The following GNAQ variants were observed in gnomAD, a reference collection of about 807,000 sequenced individuals.
The protein encoded by GNAQ is G protein subunit alpha q, also known as guanine nucleotide-binding protein G(q) subunit alpha.
A neutral mutation model predicts 43.9 loss-of-function variants in GNAQ; 8 were observed. That is an observed-to-expected ratio of 0.18 (90% CI 0.11 to 0.33). The LOEUF (loss-of-function observed/expected upper bound fraction) is 0.33. Ranked by LOEUF, GNAQ falls within the 10% of genes least tolerant of loss-of-function variation. GNAQ has a pLI of 1.00. For missense variants in GNAQ, 158 were observed against 450.8 expected (o/e 0.35, Z 5.88); for synonymous variants, 155 against 170.7 (o/e 0.91, Z 0.71).
chr9:77,878,306 A>G lies in GNAQ; in HGVS notation c.321+43855T>C, dbSNP rs76070344. ...AAAATTTTAAAACTCAGTCTAGGGA[A>G]AATGGCCCAGGGTAATGGCAGAAAG... On this transcript the variant is annotated intron_variant, in intron 2 of 6. Transcript: ENST00000286548. Among the ~76,000 whole-genome samples the G allele has an allele frequency of 3.3e-3, 504 of 151,956 alleles. 20 individuals are homozygous for G. The East Asian group carries it at 0.073, about 22-fold the overall frequency.
intron 2 of GNAQ, among the ~76,000 whole-genome samples, chr9:77,850,582 C>A (rs1450491634): frequency 6.6e-6 from 1 of 152,166 alleles, no homozygotes; most frequent in African/African-American, 2.4e-5. Flanking sequence ...CAGCTCCACA[C>A]GATTTACAGG....
intron 1 of GNAQ, among the ~76,000 whole-genome samples, chr9:77,941,903 TAC>T (rs1320268340): frequency 1.1e-5 from 1 of 90,406 alleles, no homozygotes; most frequent in African/African-American, 4.5e-5. Flanking sequence ...ACATACAACA[TAC>T]ATACACACAC....
chr9:77,741,046 G>A (rs1825646213), intron 5 of GNAQ, among the ~76,000 whole-genome samples: 1 of 152,156 alleles, frequency 6.6e-6, no homozygotes, highest in African/African-American at 2.4e-5. Context: ...ATTTTCATGT[G>A]TCATAAAAAT....
intron 1 of GNAQ, among the ~76,000 whole-genome samples, chr9:77,960,473 G>T (rs1197983210): frequency 6.6e-6 from 1 of 152,154 alleles, no homozygotes; most frequent in Non-Finnish European, 1.5e-5. Flanking sequence ...TGGCCCTGGA[G>T]TGATATTACA....
intron 2 of GNAQ, among the ~76,000 whole-genome samples, chr9:77,816,178 G>C (rs932745460): frequency 6.6e-6 from 1 of 152,066 alleles, no homozygotes; most frequent in African/African-American, 2.4e-5. Context: ...ATATAATATA[G>C]CCAGCTTATG....
chr9:77,928,646 T>A (rs972902013), intron 1 of GNAQ, among the ~76,000 whole-genome samples: 3 of 152,160 alleles, frequency 2.0e-5, no homozygotes, highest in Non-Finnish European at 4.4e-5. Flanking sequence ...GTAGTAAACA[T>A]TTGTGTATTA....
At chr9:77,880,527 T>C (rs886405908) in intron 2 of GNAQ, among the ~76,000 whole-genome samples, 5 of 151,554 alleles carry the variant, frequency 3.3e-5, no homozygotes, top group African/African-American at 1.2e-4. Flanking sequence ...ACTACAGATA[T>C]GTGCCCCACA....
chr9:77,944,212 T>A (rs1829355018), intron 1 of GNAQ, among the ~76,000 whole-genome samples: 1 of 152,044 alleles, frequency 6.6e-6, no homozygotes, highest in Non-Finnish European at 1.5e-5. Context: ...TTTTCAGTAT[T>A]TCAAAAATCT....
chr9:77,747,443 T>C (rs949187489), intron 5 of GNAQ, among the ~76,000 whole-genome samples: 1 of 152,152 alleles, frequency 6.6e-6, no homozygotes, highest in African/African-American at 2.4e-5. Flanking sequence ...CAGTAAAAAG[T>C]AAGACTGGGA....
chr9:77,817,303 C>A (rs1045396953), intron 2 of GNAQ, among the ~76,000 whole-genome samples: 2 of 152,126 alleles, frequency 1.3e-5, no homozygotes, highest in Non-Finnish European at 2.9e-5. Context: ...GGTTTAAGTT[C>A]CAAGTTCCAA....
At position 77,871,949 on chromosome 9, in the gene GNAQ, C is replaced by T. The variant is rs113793813; in HGVS notation, c.321+50212G>A. On this transcript the variant is annotated intron_variant, in intron 2 of 6. Transcript: ENST00000286548. ...GACTGAAACTTTGGACAAAACATTG[C>T]TATGCCCTAAATTATTATCTCATGT... Among the ~76,000 whole-genome samples, 851 of 152,240 alleles carry T rather than the reference C, an allele frequency of 5.6e-3. 1 individual carries two copies. Among genetic ancestry groups the T allele is most frequent in the African/African-American group, 0.019 (804 of 41,546 alleles).
At chr9:77,879,610 A>G (rs962355735) in intron 2 of GNAQ, among the ~76,000 whole-genome samples, 3 of 152,266 alleles carry the variant, frequency 2.0e-5, no homozygotes, top group Non-Finnish European at 2.9e-5. Flanking sequence ...CTACAAAGGC[A>G]TATCTTCTAG....
chr9:77,943,826 C>T (rs1829349215), intron 1 of GNAQ, among the ~76,000 whole-genome samples: 1 of 152,028 alleles, frequency 6.6e-6, no homozygotes, highest in African/African-American at 2.4e-5. Context: ...AACACCACGC[C>T]TGGCTAATTG....
intron 5 of GNAQ, among the ~76,000 whole-genome samples, chr9:77,762,435 G>GCC (rs901201871): frequency 7.8e-6 from 1 of 128,338 alleles, no homozygotes; most frequent in Admixed American, 7.2e-5. Context: ...GGGGGGGTCA[G>GCC]CCCCCCGCCT....
chr9:77,851,467 C>T lies in GNAQ; in HGVS notation c.322-35697G>A, dbSNP rs940664523. 2.5e-4 allele frequency among the ~76,000 whole-genome samples: 38 copies of T among 152,174 alleles called. 2 individuals carry two copies. The highest frequency in any genetic ancestry group is 4.4e-5 in the Non-Finnish European group (3 of 68,034). ...TGGCTCCTGAGAAAGTAGAGCTGGA[C>T]GTATGCTCTGATGTCATTCTTGTCT... On this transcript the variant is annotated intron_variant, in intron 2 of 6. Coordinates refer to ENST00000286548, the MANE Select transcript of GNAQ (RefSeq NM_002072.5).
At chr9:77,830,834 ATAC>A (rs1827286274) in intron 2 of GNAQ, among the ~76,000 whole-genome samples, 1 of 65,772 alleles carries the variant, frequency 1.5e-5, no homozygotes, top group African/African-American at 7.6e-5. Context: ...TTAAGGTGTT[ATAC>A]CACACACACA....
chr9:77,985,641 G>A (rs1823425826), intron 1 of GNAQ, among the ~76,000 whole-genome samples: 1 of 152,132 alleles, frequency 6.6e-6, no homozygotes, highest in South Asian at 2.1e-4. Flanking sequence ...CTGGAGTGCA[G>A]TGGCATGATC....
At chr9:77,773,757 G>A (rs988906583) in intron 5 of GNAQ, among the ~76,000 whole-genome samples, 1 of 152,210 alleles carries the variant, frequency 6.6e-6, no homozygotes, top group African/African-American at 2.4e-5. Context: ...TGTTAGAGAT[G>A]TTACTGTAGG....
chr9:77,951,692 G>C (rs901502923), intron 1 of GNAQ, among the ~76,000 whole-genome samples: 2 of 152,102 alleles, frequency 1.3e-5, no homozygotes, highest in African/African-American at 4.8e-5. Flanking sequence ...AAGGAGGAGA[G>C]GCTGCATAGA....
Sources: allele counts gnomAD v4.1 joint callset (sites outside exome capture counted in the v4.1 genomes callset), GRCh38; gene constraint gnomAD v4.1.1; transcripts MANE v1.5; gene names NCBI Gene and HGNC (gene_info 2026-07-23, HGNC 2026-07-21).